RAB40C: variants seen among roughly 807,000 people sequenced by gnomAD.
The protein encoded by RAB40C is ras-related protein Rab-40C.
Under a neutral mutation model 28.1 loss-of-function variants are expected in RAB40C, and 8 were observed. The ratio of observed to expected loss-of-function variants is 0.28; its 90% CI spans 0.17 to 0.51. The LOEUF is 0.51. Among genes scored for constraint, RAB40C ranks in the 20% least tolerant of loss-of-function variants. The pLI is 0.97. For missense variants in RAB40C, 288 were observed against 405.9 expected, an observed-to-expected ratio of 0.71 and a Z score of 2.50; for synonymous variants, 201 against 171.7, an observed-to-expected ratio of 1.17 and a Z score of -1.34.
chr16:600,876 C>T (rs145021288), intron 1 of RAB40C, among the ~76,000 whole-genome samples: 1 of 152,226 alleles, frequency 6.6e-6, no homozygotes, highest in Admixed American at 6.5e-5. Context: ...GGTTTTGACT[C>T]CAGTCTCTGT....
At chr16:614,105 C>T (rs188705340) in intron 1 of RAB40C, among the ~76,000 whole-genome samples, 160 of 151,608 alleles carry the variant, frequency 1.1e-3, no homozygotes, top group African/African-American at 3.3e-3. Context: ...TACCGCATCC[C>T]GATGGTGAAC....
chr16:606,629 G>T (rs112736544), intron 1 of RAB40C, among the ~76,000 whole-genome samples: 1 of 152,236 alleles, frequency 6.6e-6, no homozygotes, highest in Admixed American at 6.5e-5. Flanking sequence ...GCAGAATTCC[G>T]TTCTTGCTGG....
intron 3 of RAB40C, among the ~76,000 whole-genome samples, chr16:619,811 C>T (rs981939176): frequency 6.6e-6 from 1 of 152,238 alleles, no homozygotes; most frequent in African/African-American, 2.4e-5. Flanking sequence ...GGAGCTTCGT[C>T]CCATGGCAAG....
chr16:618,308 C>T, intron 3 of RAB40C, 48 bp downstream of exon 3: 1 of 1,523,814 alleles, frequency 6.6e-7, no homozygotes, highest in South Asian at 1.2e-5. Flanking sequence ...GATGTTTCTC[C>T]TGATTCTTTC....
At chr16:615,654 G>C (rs984754412) in intron 1 of RAB40C, among the ~76,000 whole-genome samples, 3 of 152,172 alleles carry the variant, frequency 2.0e-5, no homozygotes, top group Admixed American at 1.3e-4. Context: ...AAACTGTAAG[G>C]AAATAAAAAG....
At chr16:623,963 G>C (rs963771032) in intron 3 of RAB40C, 3 of 985,308 alleles carry the variant, frequency 3.0e-6, no homozygotes, top group Non-Finnish European at 3.6e-6. Flanking sequence ...CATCCGCAGT[G>C]CTGGGACCTG....
At chr16:619,907 C>G (rs1168304493) in intron 3 of RAB40C, among the ~76,000 whole-genome samples, 7 of 152,204 alleles carry the variant, frequency 4.6e-5, no homozygotes, top group Non-Finnish European at 1.0e-4. Flanking sequence ...GGAAGGACGC[C>G]AGGGCGGGCT....
At chr16:594,309 C>T (rs1349502470) in intron 1 of RAB40C, among the ~76,000 whole-genome samples, 3 of 152,104 alleles carry the variant, frequency 2.0e-5, no homozygotes, top group African/African-American at 7.2e-5. Flanking sequence ...AGTGACACTC[C>T]GGTCCTTTGA....
At chr16:598,007 G>A (rs1243474549) in intron 1 of RAB40C, among the ~76,000 whole-genome samples, 1 of 151,468 alleles carries the variant, frequency 6.6e-6, no homozygotes, top group Admixed American at 6.6e-5. Context: ...AGCACTTTGG[G>A]AGGCCAAGGT....
rs565772589 is a variant in RAB40C at position 596,636 on chromosome 16, G to A, written c.142+6203G>A. ...GTCAGGCTGAGCTGACTTCCTGGGC[G>A]GTCGGGAGAAGGATGTGCAGACTGT... is the stretch of plus-strand genomic sequence containing the variant. On this transcript the variant is annotated intron_variant, in intron 1 of 5. Coordinates refer to ENST00000248139, the MANE Select transcript of RAB40C (RefSeq NM_021168.5). 2.6e-5 allele frequency among the ~76,000 whole-genome samples: 4 copies of A among 152,348 alleles called. No homozygotes were observed. The South Asian group carries it at 6.2e-4, about 24-fold the overall frequency.
chr16:619,778 C>T (rs1375250791), intron 3 of RAB40C, among the ~76,000 whole-genome samples: 1 of 152,202 alleles, frequency 6.6e-6, no homozygotes, highest in Admixed American at 6.5e-5. Flanking sequence ...GGAAGCTGCC[C>T]AGGTGCGAGG....
intron 3 of RAB40C, chr16:623,992 G>T (rs528558582): frequency 2.0e-6 from 2 of 985,392 alleles, no homozygotes; most frequent in Admixed American, 6.1e-5. Flanking sequence ...CCTCACCTGG[G>T]TTGCACATCT....
chr16:617,364 C>T (rs972171421), intron 2 of RAB40C, 96 bp downstream of exon 2: 56 of 1,462,964 alleles, frequency 3.8e-5, no homozygotes, highest in African/African-American at 8.4e-5. Flanking sequence ...GTCCTGTTTG[C>T]ATTTCACTTG....
rs538951640 is a variant in RAB40C, at chr16:605,396, A to G, written c.143-11812A>G. On this transcript the variant is annotated intron_variant, in intron 1 of 5. Coordinates refer to ENST00000248139, the MANE Select transcript of RAB40C (RefSeq NM_021168.5). ...TTTGTGTACAAAAAAACCCCTTTAA[A>G]GTCTGCAATACAGTGAGTGCGGACA... 1.2e-3 allele frequency among the ~76,000 whole-genome samples: 186 copies of G among 152,332 alleles called. 3 individuals are homozygous for G. The highest frequency in any genetic ancestry group is 3.9e-3 in the African/African-American group (162 of 41,580).
At chr16:606,988 CCAGA>C (rs1345905639) in intron 1 of RAB40C, among the ~76,000 whole-genome samples, 2 of 152,216 alleles carry the variant, frequency 1.3e-5, no homozygotes, top group South Asian at 2.1e-4. Context: ...GCAGGCCGGC[CCAGA>C]CAGACAGACT....
intron 1 of RAB40C, among the ~76,000 whole-genome samples, chr16:597,643 C>T (rs895518637): frequency 2.0e-5 from 3 of 151,952 alleles, no homozygotes; most frequent in African/African-American, 7.3e-5. Context: ...TGCACCACCA[C>T]ACCTGGCTAA....
At position 594,962 on chromosome 16, in the gene RAB40C, G is replaced by A. The variant is rs531442817; in HGVS notation, c.142+4529G>A. 1.1e-4 allele frequency among the ~76,000 whole-genome samples: 16 copies of A among 152,118 alleles called. No homozygotes were observed. The South Asian group carries it at 3.3e-3, about 32-fold the overall frequency. ...AGCCTCCTGAGTAGCTGGGATTACA[G>A]ACGCCTGCCACCATGCGTGGCTAAT... is the stretch of plus-strand genomic sequence containing the variant. On this transcript the variant is annotated intron_variant, in intron 1 of 5. Transcript: ENST00000248139.
intron 1 of RAB40C, among the ~76,000 whole-genome samples, chr16:594,337 G>C (rs1253021751): frequency 6.6e-6 from 1 of 152,178 alleles, no homozygotes; most frequent in Non-Finnish European, 1.5e-5. Context: ...AAGTTGTGGG[G>C]AGAAACGGAG....
At chr16:625,075 C>T in intron 3 of RAB40C, 6 of 1,289,140 alleles carry the variant, frequency 4.7e-6, no homozygotes, top group Non-Finnish European at 6.0e-6. Flanking sequence ...CACTGATGGA[C>T]TGGCCGAGAG....
Sources: allele counts gnomAD v4.1 joint callset (sites outside exome capture counted in the v4.1 genomes callset), GRCh38; gene constraint gnomAD v4.1.1; transcripts MANE v1.5; gene names NCBI Gene and HGNC (gene_info 2026-07-23, HGNC 2026-07-21).